The following NFATC2 variants were observed in gnomAD, a reference collection of about 807,000 sequenced individuals.
NFATC2 encodes nuclear factor of activated T cells 2, also known as nuclear factor of activated T-cells, cytoplasmic 2.
Under a neutral mutation model 87.3 loss-of-function variants are expected in NFATC2, and 22 were observed. The ratio of observed to expected loss-of-function variants is 0.25; its 90% CI spans 0.18 to 0.36. NFATC2 has a LOEUF of 0.36. Ranked by LOEUF, NFATC2 falls within the 10% of genes least tolerant of loss-of-function variation. The probability of loss-of-function intolerance (pLI) is 1.00; values close to 1 mark genes in which losing one functional copy is unlikely to be tolerated. For synonymous variants in NFATC2, 565 were observed against 542.2 expected, an observed-to-expected ratio of 1.04 and a Z score of -0.58; for missense variants, 1,149 against 1,259.1, an observed-to-expected ratio of 0.91 and a Z score of 1.32.
intron 9 of NFATC2, chr20:51,399,073 G>A (rs1264112374): frequency 4.7e-6 from 1 of 214,030 alleles, no homozygotes; most frequent in African/African-American, 2.3e-5. Flanking sequence ...GCTGGTTTCT[G>A]CTGCAGTCAA....
At chr20:51,540,623 T>C (rs1040345710) in intron 1 of NFATC2, among the ~76,000 whole-genome samples, 5 of 137,768 alleles carry the variant, frequency 3.6e-5, no homozygotes, top group African/African-American at 1.2e-4. Flanking sequence ...TTTCTGTAAA[T>C]CTGAAACTGT....
chr20:51,527,725 T>C (rs2076567576), intron 1 of NFATC2, among the ~76,000 whole-genome samples: 1 of 152,216 alleles, frequency 6.6e-6, no homozygotes, highest in Non-Finnish European at 1.5e-5. Flanking sequence ...GAGAGGGTCA[T>C]TTTGTAATAT....
upstream of NFATC2, chr20:51,562,817 C>T (rs75374025): frequency 5.9e-3 from 3,265 of 552,046 alleles, 69 homozygotes; most frequent in East Asian, 0.049. The surrounding 1 kb of genome is among the most constrained non-coding windows in gnomAD (Gnocchi z 5.8). Flanking sequence ...GCTCCGCGAT[C>T]CGGCTTACTC....
intron 9 of NFATC2, among the ~76,000 whole-genome samples, chr20:51,406,699 A>G (rs140361345): frequency 4.7e-4 from 71 of 152,290 alleles, no homozygotes; most frequent in African/African-American, 1.6e-3. Flanking sequence ...TTCCTGTGGT[A>G]TCAGTCTGAC....
intron 1 of NFATC2, among the ~76,000 whole-genome samples, chr20:51,560,188 T>C (rs1432197068): frequency 6.6e-6 from 1 of 152,216 alleles, no homozygotes; most frequent in Non-Finnish European, 1.5e-5. Context: ...CTGTTTTACC[T>C]CATTGAATCT....
At chr20:51,546,407 GC>G (rs1377155930), upstream of NFATC2, among the ~76,000 whole-genome samples, 2 of 152,182 alleles carry the variant, frequency 1.3e-5, no homozygotes, top group Non-Finnish European at 2.9e-5. Flanking sequence ...AATAATCTGT[GC>G]TCTTAGGAAC....
chr20:51,513,244 G>A (rs1278222062), intron 3 of NFATC2, among the ~76,000 whole-genome samples: 1 of 152,198 alleles, frequency 6.6e-6, no homozygotes, highest in African/African-American at 2.4e-5. Flanking sequence ...TTGGGAGGAT[G>A]AGGTGGTAGG....
At chr20:51,435,911 G>A (rs988859567) in intron 6 of NFATC2, 150 bp from the exon 7 acceptor site, 4 of 617,218 alleles carry the variant, frequency 6.5e-6, no homozygotes, top group African/African-American at 5.5e-5. Context: ...GTGTACATAT[G>A]TATTTATACA....
At chr20:51,525,338 G>A (rs73277959) in intron 1 of NFATC2, among the ~76,000 whole-genome samples, 5,274 of 152,180 alleles carry the variant, frequency 0.035, 316 homozygotes, top group African/African-American at 0.12. Context: ...AGGCCCTACC[G>A]CTGCAGAATG....
intron 9 of NFATC2, among the ~76,000 whole-genome samples, chr20:51,406,912 T>C (rs1978399423): frequency 6.6e-6 from 1 of 152,182 alleles, no homozygotes; most frequent in Non-Finnish European, 1.5e-5. Context: ...CCATCTTGAT[T>C]GACTCTCCCT....
chr20:51,472,799 C>A (rs1988353493), intron 5 of NFATC2, among the ~76,000 whole-genome samples: 1 of 152,054 alleles, frequency 6.6e-6, no homozygotes, highest in Admixed American at 6.5e-5. Flanking sequence ...CCACACCCGG[C>A]TAATTTTGTA....
chr20:51,538,227 T>C (rs1485818695), intron 1 of NFATC2, among the ~76,000 whole-genome samples: 1 of 152,178 alleles, frequency 6.6e-6, no homozygotes, highest in African/African-American at 2.4e-5. Flanking sequence ...AAGAAAATAA[T>C]ACACCAAGTG....
rs75912447 is a variant in NFATC2, at chr20:51,498,818, T to C, written c.1332+17966A>G. Among the ~76,000 whole-genome samples the C allele has an allele frequency of 2.9e-3, 435 of 152,214 alleles. 3 individuals carry two copies. Among genetic ancestry groups the C allele is most frequent in the African/African-American group, 9.7e-3 (405 of 41,542 alleles). On this transcript the variant is annotated intron_variant, in intron 3 of 10. Coordinates refer to ENST00000371564, the MANE Select transcript of NFATC2 (RefSeq NM_012340.5). ...AACACCTAAGTAGAAAGACAGATGA[T>C]GGCAGGAGAGAAAGGGGATCTATTT... is the stretch of plus-strand genomic sequence containing the variant.
At chr20:51,398,330 G>A (rs1377668387) in intron 10 of NFATC2, among the ~76,000 whole-genome samples, 1 of 152,070 alleles carries the variant, frequency 6.6e-6, no homozygotes, top group Non-Finnish European at 1.5e-5. Flanking sequence ...ACAACAAAGT[G>A]TGCAAAACCA....
intron 2 of NFATC2, among the ~76,000 whole-genome samples, chr20:51,522,759 A>G (rs1460081215): frequency 6.6e-6 from 1 of 151,970 alleles, no homozygotes; most frequent in Non-Finnish European, 1.5e-5. Flanking sequence ...TTACTTATGT[A>G]ACAGAATCTG....
At chr20:51,474,667 C>T (rs1198614854) in intron 4 of NFATC2, among the ~76,000 whole-genome samples, 2 of 152,094 alleles carry the variant, frequency 1.3e-5, no homozygotes, top group South Asian at 2.1e-4. Flanking sequence ...CTGGGAAAGC[C>T]GAGGGGGCAG....
At chr20:51,481,618 C>T (rs1030473245) in intron 3 of NFATC2, among the ~76,000 whole-genome samples, 7 of 152,066 alleles carry the variant, frequency 4.6e-5, no homozygotes, top group Non-Finnish European at 8.8e-5. Context: ...GTGGCGTCTG[C>T]GGGGGTGGGG....
intron 5 of NFATC2, among the ~76,000 whole-genome samples, chr20:51,473,697 T>C (rs1357252919): frequency 2.6e-5 from 4 of 152,238 alleles, no homozygotes; most frequent in Non-Finnish European, 4.4e-5. Flanking sequence ...ATTTACACAT[T>C]TCAAGTCTTC....
At chr20:51,490,437 T>TG (rs1390335679) in intron 3 of NFATC2, among the ~76,000 whole-genome samples, 1 of 152,196 alleles carries the variant, frequency 6.6e-6, no homozygotes, top group African/African-American at 2.4e-5. Flanking sequence ...CAGCCACAAA[T>TG]GGACACACCA....
Sources: allele counts gnomAD v4.1 joint callset (sites outside exome capture counted in the v4.1 genomes callset), GRCh38; gene constraint gnomAD v4.1.1; non-coding constraint Gnocchi (gnomAD v3.1); transcripts MANE v1.5; gene names NCBI Gene and HGNC (gene_info 2026-07-23, HGNC 2026-07-21).